SPINK6: variants seen among roughly 807,000 people sequenced by gnomAD.
The protein encoded by SPINK6 is serine protease inhibitor Kazal-type 6.
A neutral mutation model predicts 11.7 loss-of-function variants in SPINK6; 13 were observed. The observed-to-expected ratio is 1.11, with a 90% CI of 0.72 to 1.76. SPINK6 has a LOEUF of 1.76. Ranked by LOEUF, SPINK6 falls within the 40% of genes most tolerant of loss-of-function variation. The probability of loss-of-function intolerance (pLI) is 0.00; values close to 1 mark genes in which losing one functional copy is unlikely to be tolerated. For missense variants in SPINK6, 98 were observed against 93.7 expected, an observed-to-expected ratio of 1.05 and a Z score of -0.19; for synonymous variants, 21 against 31.9, an observed-to-expected ratio of 0.66 and a Z score of 1.15.
intron 2 of SPINK6, among the ~76,000 whole-genome samples, chr5:148,212,646 A>AT (rs1561733807): frequency 1.4e-4 from 15 of 108,854 alleles, no homozygotes; most frequent in African/African-American, 5.3e-4. Context: ...TATATAATAT[A>AT]AATATATATA....
Position 148,203,095 on chromosome 5 carries a change from C to A in SPINK6, c.-2C>A, listed in dbSNP as rs763562135. ...CTTGATCTGAGTGAGCTAACTGACACAATGAAACTGTCAGGCATGTTTCTG... is the reference window on the plus strand; with the variant it reads ...CTTGATCTGAGTGAGCTAACTGACAAAATGAAACTGTCAGGCATGTTTCTG... On this transcript the variant is annotated 5_prime_UTR_variant, in exon 1 of 4. Transcript: ENST00000325630. 1 of 1,609,892 alleles carries A rather than the reference C, an allele frequency of 6.2e-7. No homozygotes were observed. Among genetic ancestry groups the A allele is most frequent in the South Asian group, 1.1e-5 (1 of 89,978 alleles).
rs1755550498 is a variant in SPINK6 at position 148,209,969 on chromosome 5, T to TCGTACGTATGTATGTATACATACAC, written c.81+3911_81+3912insCGTACGTATGTATGTATACATACAC. ...GGTTTCATATATATGTATACATACA[T>TCGTACGTATGTATGTATACATACAC]ACGTACGTATGTATGTATACATATA... On this transcript the variant is annotated intron_variant, in intron 2 of 3. Coordinates refer to ENST00000325630, the MANE Select transcript of SPINK6 (RefSeq NM_205841.4). Among the ~76,000 whole-genome samples, 2 of 126,610 alleles carry TCGTACGTATGTATGTATACATACAC rather than the reference T, an allele frequency of 1.6e-5. 1 individual carries two copies. 83.1% of individuals were successfully genotyped at this position (126,610 alleles called of 152,430 possible). A position where few individuals can be genotyped will look rare whatever the true frequency, so the allele number is the denominator to read the frequency against.
At chr5:148,211,073 T>A (rs114386164) in intron 2 of SPINK6, among the ~76,000 whole-genome samples, 219 of 152,218 alleles carry the variant, frequency 1.4e-3, no homozygotes, top group Middle Eastern at 3.4e-3. Context: ...TCCTGAGTCT[T>A]TAGTTGACTT....
At chr5:148,205,032 C>T (rs1755479809) in intron 1 of SPINK6, among the ~76,000 whole-genome samples, 1 of 152,072 alleles carries the variant, frequency 6.6e-6, no homozygotes, top group Admixed American at 6.5e-5. Context: ...ACCCATATTG[C>T]TAGTTATAAA....
intron 3 of SPINK6, 39 bp downstream of exon 3, chr5:148,214,064 C>A: frequency 7.9e-7 from 1 of 1,268,800 alleles, no homozygotes; most frequent in Non-Finnish European, 1.1e-6. Flanking sequence ...CTTGCAAACA[C>A]AAACTTCCAT....
At chr5:148,206,894 T>C (rs926658041) in intron 2 of SPINK6, among the ~76,000 whole-genome samples, 3 of 152,224 alleles carry the variant, frequency 2.0e-5, no homozygotes, top group South Asian at 4.1e-4. Context: ...TGCTAACTAA[T>C]TGGAGTTGGC....
chr5:148,209,997 C>CACGTAGGTAT (rs1561732192), intron 2 of SPINK6, among the ~76,000 whole-genome samples: 1 of 145,892 alleles, frequency 6.9e-6, no homozygotes. Flanking sequence ...TACATATACA[C>CACGTAGGTAT]GTATGTATAC....
At chr5:148,204,670 T>C (rs1003075010) in intron 1 of SPINK6, among the ~76,000 whole-genome samples, 2 of 152,030 alleles carry the variant, frequency 1.3e-5, no homozygotes, top group African/African-American at 4.8e-5. Flanking sequence ...GAAAAAGGCA[T>C]GTACAATGCT....
At chr5:148,209,975 C>CATAT (rs1190467937) in intron 2 of SPINK6, among the ~76,000 whole-genome samples, 1 of 146,846 alleles carries the variant, frequency 6.8e-6, no homozygotes. Context: ...TACATACGTA[C>CATAT]GTATGTATGT....
chr5:148,208,177 G>A (rs904425498), intron 2 of SPINK6, among the ~76,000 whole-genome samples: 4 of 152,150 alleles, frequency 2.6e-5, no homozygotes, highest in Admixed American at 2.6e-4. Context: ...TTACTAAGAT[G>A]AAGATTTGAA....
At chr5:148,210,033 CAAACGTATGTAT>C (rs1755560972) in intron 2 of SPINK6, among the ~76,000 whole-genome samples, 1 of 25,524 alleles carries the variant, frequency 3.9e-5, no homozygotes, top group African/African-American at 5.6e-5. Flanking sequence ...TACGCATGCA[CAAACGTATGTAT>C]GCATATATGT....
chr5:148,205,944 A>C (rs1755492200), intron 1 of SPINK6, 92 bp from the exon 2 acceptor site: 7 of 1,296,752 alleles, frequency 5.4e-6, no homozygotes, highest in Middle Eastern at 3.7e-4. Flanking sequence ...GCCAAGTACC[A>C]GGAGTAGATA....
rs370972561 is a variant in SPINK6 at position 148,210,004 on chromosome 5, A to G, written c.82-3906A>G. Among the ~76,000 whole-genome samples the G allele has an allele frequency of 1.3e-3, 170 of 131,582 alleles. 23 individuals carry two copies. Among genetic ancestry groups the G allele is most frequent in the Admixed American group, 1.9e-3 (25 of 13,242 alleles). The allele number at this position is 131,582 out of a possible 152,430, so 86.3% of individuals were successfully genotyped here. A position where few individuals can be genotyped will look rare whatever the true frequency, so the allele number is the denominator to read the frequency against. ...TGTATGTATACATATACACGTATGT[A>G]TACATGTATGTACGCATGTACGCAT... On this transcript the variant is annotated intron_variant, in intron 2 of 3. Transcript: ENST00000325630.
intron 2 of SPINK6, among the ~76,000 whole-genome samples, chr5:148,209,991 T>TACACACGTACGTCTGTATGTATAC (rs1398978551): frequency 6.9e-6 from 1 of 145,402 alleles, no homozygotes; most frequent in African/African-American, 2.5e-5. Flanking sequence ...TATGTATACA[T>TACACACGTACGTCTGTATGTATAC]ATACACGTAT....
intron 2 of SPINK6, among the ~76,000 whole-genome samples, chr5:148,209,997 C>CGTACGTACGTAT: frequency 6.8e-6 from 1 of 145,992 alleles, no homozygotes; most frequent in African/African-American, 2.5e-5. Flanking sequence ...TACATATACA[C>CGTACGTACGTAT]GTATGTATAC....
chr5:148,213,865 T>C (rs768487755), intron 2 of SPINK6, 45 bp from the exon 3 acceptor site: 11 of 984,046 alleles, frequency 1.1e-5, no homozygotes, highest in Non-Finnish European at 4.9e-6. Flanking sequence ...AAGGATGGTC[T>C]CTTAGAATGC....
intron 2 of SPINK6, among the ~76,000 whole-genome samples, chr5:148,207,946 C>T (rs1755521933): frequency 6.6e-6 from 1 of 152,098 alleles, no homozygotes; most frequent in South Asian, 2.1e-4. Context: ...GAATAATAAT[C>T]AGAAAGGTAG....
At chr5:148,205,185 C>G (rs961640613) in intron 1 of SPINK6, among the ~76,000 whole-genome samples, 3 of 152,058 alleles carry the variant, frequency 2.0e-5, no homozygotes, top group African/African-American at 7.2e-5. Flanking sequence ...AAGTGTTGGC[C>G]ATCATTGGAG....
intron 1 of SPINK6, among the ~76,000 whole-genome samples, chr5:148,205,370 T>TTA (rs1755483991): frequency 6.6e-6 from 1 of 152,096 alleles, no homozygotes; most frequent in Non-Finnish European, 1.5e-5. Flanking sequence ...AACTAATTAG[T>TTA]CACACAAACT....
Sources: gnomAD v4.1 joint callset for allele counts (sites outside exome capture counted in the v4.1 genomes callset) on GRCh38, gnomAD v4.1.1 for gene constraint, MANE v1.5 for transcripts, NCBI Gene and HGNC (gene_info 2026-07-23, HGNC 2026-07-21) for gene names.